PRPF8: variants seen among roughly 807,000 people sequenced by gnomAD.
PRPF8 encodes pre-mRNA-processing-splicing factor 8.
In PRPF8, 64 loss-of-function variants were observed where a neutral mutation model predicts 285.9. That is an observed-to-expected ratio of 0.22 (90% CI 0.18 to 0.28). The LOEUF is 0.28. PRPF8 is among the 10% of genes least tolerant of loss of function. PRPF8 has a pLI of 1.00. For synonymous variants in PRPF8, 1,325 were observed against 1,118.2 expected (o/e 1.18, Z -3.69); for missense variants, 1,426 against 3,026.7 (o/e 0.47, Z 12.41).
chr17:1,653,525 T>C lies in PRPF8; in HGVS notation c.6369+17A>G, dbSNP rs1398132202. 2 of 1,614,136 alleles carry C rather than the reference T, an allele frequency of 1.2e-6. No individual in the cohort carries two copies. The highest frequency in any genetic ancestry group is 8.5e-7 in the Non-Finnish European group (1 of 1,180,060). On this transcript the variant is annotated intron_variant, in intron 39 of 42. Coordinates refer to ENST00000304992, the MANE Select transcript of PRPF8 (RefSeq NM_006445.4). The surrounding 1 kb of genome is among the most constrained non-coding windows in gnomAD (Gnocchi z 4.9). ...AGTTGGGCACACACTGTGGCCTAGCTGAGTCCACTTACTCACTTGGGCCCG... is the reference window on the plus strand; with the variant it reads ...AGTTGGGCACACACTGTGGCCTAGCCGAGTCCACTTACTCACTTGGGCCCG...
chr17:1,683,250 C>T (rs1360433411), intron 3 of PRPF8: 1 of 450,558 alleles, frequency 2.2e-6, no homozygotes, highest in Non-Finnish European at 4.1e-6. Flanking sequence ...CCGCCTCGGC[C>T]TCCCAAAGTG....
chr17:1,657,415 G>T (rs548062163), intron 34 of PRPF8, among the ~76,000 whole-genome samples: 12 of 152,140 alleles, frequency 7.9e-5, no homozygotes, highest in South Asian at 2.1e-4. Flanking sequence ...AGAGGCCAAG[G>T]CGGGCGGATC....
chr17:1,667,891 T>C (rs1214578512), intron 24 of PRPF8, among the ~76,000 whole-genome samples: 4 of 152,168 alleles, frequency 2.6e-5, no homozygotes, highest in Admixed American at 6.6e-5. Context: ...TTGCCTAAGC[T>C]GGTCTCAAAT....
chr17:1,659,527 G>A lies in PRPF8; in HGVS notation c.4968C>T (p.Thr1656=). The A allele has an allele frequency of 6.2e-7, 1 of 1,614,134 alleles. No individual in the cohort carries two copies. Among genetic ancestry groups the A allele is most frequent in the Non-Finnish European group, 8.5e-7 (1 of 1,180,032 alleles). Residue 1656 remains threonine (T), a synonymous_variant, in exon 32 of 43, where the codon ACC becomes ACT. Transcript: ENST00000304992. This position sits in a 1 kb window ranked among gnomAD's most constrained non-coding sequence, Gnocchi z 5.1. The part of the protein sequence containing the change: ...ADSKDVMDST[T]TQKYWIDIQL... ...GGATGTCAATCCAGTATTTCTGGGT[G>A]GTGGTGCTGTCCATCACATCCCTGA...
chr17:1,683,571 G>A lies in PRPF8; in HGVS notation c.231C>T (p.Thr77=), dbSNP rs1206494418. The A allele has an allele frequency of 4.3e-6, 7 of 1,614,140 alleles. No homozygotes were observed. The highest frequency in any genetic ancestry group is 1.6e-4 in the Middle Eastern group (1 of 6,062). The change falls in exon 3 of 43, where the codon ACC becomes ACT. Residue 77 remains threonine (T), a synonymous_variant. Transcript: ENST00000304992. Reference sequence around the variant, plus strand: ...TTTTGTCATGGCGGAACTTCCTGTTGGTCATGTCTCCATGGTCTCGAATGA... The same window carrying A: ...TTTTGTCATGGCGGAACTTCCTGTTAGTCATGTCTCCATGGTCTCGAATGA... The part of the protein sequence containing the change: ...RKIIRDHGDM[T]NRKFRHDKRV...
intron 2 of PRPF8, 97 bp from the exon 3 acceptor site, chr17:1,683,798 G>C: frequency 6.8e-7 from 1 of 1,460,324 alleles, no homozygotes. Flanking sequence ...GTGTGAGGGA[G>C]AAGCAGGCAC....
In PRPF8 at chr17:1,675,856, A is replaced by T; in HGVS notation, c.2680-44T>A. On this transcript the variant is annotated intron_variant, in intron 18 of 42. Transcript: ENST00000304992. This position sits in a 1 kb window ranked among gnomAD's most constrained non-coding sequence, Gnocchi z 6.0. The stretch of plus-strand genomic sequence containing the variant: ...GGTTCACACCAATCCACCAACTGCT[A>T]CCTTTGGTAGAACCAAAGGCAACTG... 1 of 1,605,920 alleles carries T rather than the reference A, an allele frequency of 6.2e-7. No individual in the cohort carries two copies. Among genetic ancestry groups the T allele is most frequent in the Non-Finnish European group, 8.5e-7 (1 of 1,178,558 alleles).
chr17:1,654,269 A>C (rs1292282872), intron 37 of PRPF8: 1 of 609,516 alleles, frequency 1.6e-6, no homozygotes, highest in Non-Finnish European at 2.9e-6. Flanking sequence ...CGCTTCCTTG[A>C]CCAAAACAAT....
Position 1,681,648 on chromosome 17 carries a change from T to C in PRPF8, c.696A>G (p.Leu232=). The change falls in exon 6 of 43, where the codon CTA becomes CTG. Residue 232 remains leucine (L), a synonymous_variant. Transcript: ENST00000304992. ...GSTYQRWQFT[L]PMMSTLYRLA... ...GGCGGTAGAGAGTCGACATCATAGG[T>C]AGTGTGAACTGCCAGCGCTGGTAAG... 1 of 1,614,048 alleles carries C rather than the reference T, an allele frequency of 6.2e-7. No individual in the cohort carries two copies. The highest frequency in any genetic ancestry group is 1.1e-5 in the South Asian group (1 of 91,078).
chr17:1,656,813 C>G, intron 34 of PRPF8, 52 bp from the exon 35 acceptor site: 2 of 1,437,646 alleles, frequency 1.4e-6, no homozygotes, highest in Non-Finnish European at 1.9e-6. Flanking sequence ...CCTCCCAGAT[C>G]AACTAGAACA....
chr17:1,666,802 A>G (rs1275364769), intron 24 of PRPF8, among the ~76,000 whole-genome samples: 3 of 152,118 alleles, frequency 2.0e-5, no homozygotes, highest in African/African-American at 4.8e-5. Context: ...TGCAGGTGAG[A>G]TAACAGCTCA....
Position 1,673,369 on chromosome 17 carries a change from G to A in PRPF8, c.3645C>T (p.Asn1215=). ...EEFTHKDGVW[N]LQNEVTKERT... is the part of the protein sequence containing the mutation. ...GCCCAGGCTGTACCTCATTCTGCAG[G>A]TTCCAGACCCCGTCCTTGTGGGTGA... The change falls in exon 23 of 43, where the codon AAC becomes AAT. Residue 1215 remains asparagine (N), a synonymous_variant. Transcript: ENST00000304992. The surrounding 1 kb of genome is among the most constrained non-coding windows in gnomAD (Gnocchi z 5.5). The A allele has an allele frequency of 6.2e-7, 1 of 1,614,072 alleles. No homozygotes were observed.
intron 3 of PRPF8, chr17:1,683,099 C>A: frequency 3.7e-6 from 1 of 271,138 alleles, no homozygotes; most frequent in Non-Finnish European, 7.3e-6. Flanking sequence ...AGGTTCACGC[C>A]ATTCTCCTGC....
rs756421798 is a variant in PRPF8 at position 1,684,463 on chromosome 17, T to C, written c.100+9A>G. On this transcript the variant is annotated intron_variant, in intron 2 of 42. Transcript: ENST00000304992. ...CCGGCCCGCGCGCCGCTCCACACTCTCGCCTCACCTTTCTCCTGCAGCTTC... is the reference window on the plus strand; with the variant it reads ...CCGGCCCGCGCGCCGCTCCACACTCCCGCCTCACCTTTCTCCTGCAGCTTC... The C allele has an allele frequency of 6.2e-7, 1 of 1,612,282 alleles. No individual in the cohort carries two copies. The highest frequency in any genetic ancestry group is 1.1e-5 in the South Asian group (1 of 91,064).
chr17:1,672,805 C>G, intron 24 of PRPF8: 1 of 552,242 alleles, frequency 1.8e-6, no homozygotes, highest in East Asian at 3.1e-5. Flanking sequence ...TAATGCTTTT[C>G]TGTTCAAAAT....
intron 3 of PRPF8, chr17:1,683,012 T>C (rs957016854): frequency 1.7e-5 from 3 of 180,846 alleles, no homozygotes; most frequent in Non-Finnish European, 3.6e-5. Context: ...TTTTTTTTTT[T>C]TGAGACGGAG....
At chr17:1,671,346 CCA>C (rs1276962481) in intron 24 of PRPF8, among the ~76,000 whole-genome samples, 1 of 152,168 alleles carries the variant, frequency 6.6e-6, no homozygotes, top group African/African-American at 2.4e-5. Context: ...ATTCTGAGCA[CCA>C]ACATGACGCT....
chr17:1,671,015 C>T (rs1343694466), intron 24 of PRPF8, among the ~76,000 whole-genome samples: 5 of 152,098 alleles, frequency 3.3e-5, no homozygotes, highest in East Asian at 1.9e-4. Context: ...CTAAGGTGTG[C>T]GATGCCCTCC....
chr17:1,666,546 C>CAAAAAT (rs557014372), intron 24 of PRPF8, among the ~76,000 whole-genome samples: 1 of 112,898 alleles, frequency 8.9e-6, no homozygotes, highest in African/African-American at 2.8e-5. Flanking sequence ...GACCCCATCT[C>CAAAAAT]AAAAAAAAAA....
Sources: allele counts gnomAD v4.1 joint callset (sites outside exome capture counted in the v4.1 genomes callset), GRCh38; gene constraint gnomAD v4.1.1; non-coding constraint Gnocchi (gnomAD v3.1); transcripts MANE v1.5; gene names NCBI Gene and HGNC (gene_info 2026-07-23, HGNC 2026-07-21).